UNC13C: variants seen among roughly 807,000 people sequenced by gnomAD.
UNC13C encodes protein unc-13 homolog C.
A neutral mutation model predicts 245.4 loss-of-function variants in UNC13C; 174 were observed. The observed-to-expected ratio is 0.71, with a 90% CI of 0.63 to 0.80. UNC13C has a LOEUF of 0.80. Among genes scored for constraint, UNC13C ranks in the 30% least tolerant of loss-of-function variants. The pLI is 0.00. For missense variants in UNC13C, 2,829 were observed against 2,602.9 expected, an observed-to-expected ratio of 1.09 and a Z score of -1.89; for synonymous variants, 992 against 895.1, an observed-to-expected ratio of 1.11 and a Z score of -1.93.
intron 2 of UNC13C, among the ~76,000 whole-genome samples, chr15:54,024,587 T>C (rs1896027019): frequency 6.6e-6 from 1 of 152,176 alleles, no homozygotes; most frequent in East Asian, 1.9e-4. Flanking sequence ...TTCTACACCA[T>C]GGCTCATTTC....
chr15:53,976,529 T>C (rs143633038), upstream of UNC13C, among the ~76,000 whole-genome samples: 2,564 of 129,246 alleles, frequency 0.02, 48 homozygotes, highest in South Asian at 0.066. Context: ...TGGAGTGCAA[T>C]GGCGCGATCT....
At chr15:53,973,579 C>T (rs1452494407), upstream of UNC13C, among the ~76,000 whole-genome samples, 2 of 116,528 alleles carry the variant, frequency 1.7e-5, no homozygotes, top group South Asian at 3.1e-4. Context: ...CCTGAATCAA[C>T]AAAATTAAAA....
At chr15:54,338,909 C>T (rs2038659175) in intron 17 of UNC13C, among the ~76,000 whole-genome samples, 1 of 152,164 alleles carries the variant, frequency 6.6e-6, no homozygotes, top group African/African-American at 2.4e-5. Flanking sequence ...CTCTGTTGCC[C>T]AGGCTGGAGT....
chr15:54,238,120 G>C (rs537869590), intron 7 of UNC13C, among the ~76,000 whole-genome samples: 2 of 126,462 alleles, frequency 1.6e-5, no homozygotes, highest in Admixed American at 1.9e-4. Context: ...TCTGTTGCAG[G>C]CTGCAGTGCA....
At chr15:53,975,461 G>A (rs562380016), upstream of UNC13C, among the ~76,000 whole-genome samples, 1 of 152,298 alleles carries the variant, frequency 6.6e-6, no homozygotes, top group African/African-American at 2.4e-5. Flanking sequence ...AAATATAATA[G>A]TGAGGTTCAA....
the UNC13C span, among the ~76,000 whole-genome samples, chr15:53,930,234 C>T: frequency 6.6e-6 from 1 of 152,174 alleles, no homozygotes; most frequent in Non-Finnish European, 1.5e-5. Flanking sequence ...CTCTCTTCCT[C>T]ATAGCACGAC....
intron 2 of UNC13C, among the ~76,000 whole-genome samples, chr15:54,071,958 C>T (rs981896362): frequency 8.5e-5 from 13 of 152,162 alleles, no homozygotes; most frequent in African/African-American, 3.1e-4. Context: ...GCTTCCTTGT[C>T]TGGCCTTCCC....
chr15:54,543,877 C>CTG (rs1203510903), intron 26 of UNC13C, among the ~76,000 whole-genome samples: 1 of 152,138 alleles, frequency 6.6e-6, no homozygotes, highest in Non-Finnish European at 1.5e-5. Flanking sequence ...CAAAGAGGAG[C>CTG]TGATACTATT....
At chr15:54,502,804 C>T (rs1479167576) in intron 22 of UNC13C, among the ~76,000 whole-genome samples, 1 of 151,932 alleles carries the variant, frequency 6.6e-6, no homozygotes. Context: ...TAGAATTCAC[C>T]CTCAGAATAG....
chr15:54,300,222 T>C lies in UNC13C; in HGVS notation c.4117T>C (p.Tyr1373His), dbSNP rs1243790282. The C allele has an allele frequency of 6.3e-7, 1 of 1,599,974 alleles. No individual in the cohort carries two copies. Among genetic ancestry groups the C allele is most frequent in the Non-Finnish European group, 8.5e-7 (1 of 1,172,602 alleles). Residue 1373 changes from tyrosine to histidine, a missense_variant, in exon 13 of 33, where the codon TAC becomes CAC. By Grantham distance (83) the Tyr-to-His change is moderately conservative. Coordinates refer to ENST00000260323, the MANE Select transcript of UNC13C (RefSeq NM_001080534.3). Reference sequence around the variant, plus strand: ...CACTTGCTTTTAGAATCTGTTCCATTACTTGACTGAAGTGAAATCTAATGG... The same window carrying C: ...CACTTGCTTTTAGAATCTGTTCCATCACTTGACTGAAGTGAAATCTAATGG... ...YTCLHENLFH[Y>H]LTEVKSNGGV...
the UNC13C span, among the ~76,000 whole-genome samples, chr15:53,865,186 G>A: frequency 6.6e-6 from 1 of 152,188 alleles, no homozygotes; most frequent in African/African-American, 2.4e-5. Flanking sequence ...AATATCAACA[G>A]TGCAGGTGTG....
chr15:54,367,575 C>T (rs190764921), intron 17 of UNC13C, among the ~76,000 whole-genome samples: 81 of 152,234 alleles, frequency 5.3e-4, no homozygotes, highest in African/African-American at 1.9e-3. Context: ...AAGGTATCTG[C>T]TCCATGAATA....
intron 2 of UNC13C, among the ~76,000 whole-genome samples, chr15:54,109,580 G>T (rs1191850446): frequency 1.3e-5 from 2 of 151,714 alleles, no homozygotes; most frequent in Admixed American, 1.3e-4. Flanking sequence ...GATCTCAGGT[G>T]ATCCATCCAC....
At chr15:54,287,201 A>G (rs1433132145) in intron 10 of UNC13C, among the ~76,000 whole-genome samples, 1 of 152,130 alleles carries the variant, frequency 6.6e-6, no homozygotes, top group Non-Finnish European at 1.5e-5. Context: ...TTCCTCTTGT[A>G]TGTGAGGATA....
At chr15:54,582,792 G>T (rs1364278737) in intron 30 of UNC13C, among the ~76,000 whole-genome samples, 1 of 152,060 alleles carries the variant, frequency 6.6e-6, no homozygotes, top group Admixed American at 6.6e-5. Flanking sequence ...TGTTAAACAG[G>T]ATAATGGTTT....
At chr15:54,044,874 G>A (rs1896963267) in intron 2 of UNC13C, among the ~76,000 whole-genome samples, 1 of 151,704 alleles carries the variant, frequency 6.6e-6, no homozygotes, top group African/African-American at 2.4e-5. Flanking sequence ...TATCTTCTTT[G>A]GAGCAAAATA....
chr15:54,186,857 T>TATATATATATATATATATATATATA (rs1567079932), intron 4 of UNC13C, among the ~76,000 whole-genome samples: 1 of 77,878 alleles, frequency 1.3e-5, no homozygotes, highest in Non-Finnish European at 2.8e-5. Context: ...ATATATATAT[T>TATATATATATATATATATATATATA]TTGTTTTTTG....
chr15:54,015,658 G>C lies in UNC13C; in HGVS notation c.2755G>C (p.Asp919His), dbSNP rs1419178615. The change falls in exon 2 of 33, where the codon GAT becomes CAT. Residue 919 changes from aspartate to histidine, a missense_variant. By Grantham distance (81) the Asp-to-His change is moderately conservative. Transcript: ENST00000260323. ...SYETPYETPQ[D>H]EGYDGPADDM... ...TGAAACACCTTATGAAACCCCACAA[G>C]ATGAGGGTTATGATGGTCCAGCAGA... 1.2e-6 allele frequency: 2 copies of C among 1,613,722 alleles called. No individual in the cohort carries two copies. Among genetic ancestry groups the C allele is most frequent in the Admixed American group, 3.3e-5 (2 of 59,990 alleles).
chr15:54,548,208 CTTTTTTTTTTTTTT>C (rs60975842), intron 27 of UNC13C, among the ~76,000 whole-genome samples: 11 of 61,878 alleles, frequency 1.8e-4, no homozygotes, highest in East Asian at 5.3e-4. Context: ...GTTTCTTTTG[CTTTTTTTTTTTTTT>C]TTTTTTTTTT....
Sources: allele counts gnomAD v4.1 joint callset (sites outside exome capture counted in the v4.1 genomes callset), GRCh38; gene constraint gnomAD v4.1.1; transcripts MANE v1.5; gene names NCBI Gene and HGNC (gene_info 2026-07-23, HGNC 2026-07-21).